The following PRKD1 variants were observed in gnomAD, a reference collection of about 807,000 sequenced individuals.
PRKD1 encodes serine/threonine-protein kinase D1.
In PRKD1, 63 loss-of-function variants were observed where a neutral mutation model predicts 95.9. The ratio of observed to expected loss-of-function variants is 0.66; its 90% CI spans 0.54 to 0.81. The LOEUF (loss-of-function observed/expected upper bound fraction) is 0.81. Ranked by LOEUF, PRKD1 falls within the 30% of genes least tolerant of loss-of-function variation. PRKD1 has a pLI of 0.00. For synonymous variants in PRKD1, 425 were observed against 423.1 expected (o/e 1.00, Z -0.05); for missense variants, 1,048 against 1,165.3 (o/e 0.90, Z 1.47).
intron 2 of PRKD1, among the ~76,000 whole-genome samples, chr14:29,697,230 T>C (rs1261534438): frequency 1.3e-5 from 2 of 151,808 alleles, no homozygotes; most frequent in Non-Finnish European, 2.9e-5. Context: ...TTTAAATCCA[T>C]TCCTACTCTG....
At chr14:29,926,671 G>C (rs1320015133) in intron 1 of PRKD1, among the ~76,000 whole-genome samples, 3 of 152,138 alleles carry the variant, frequency 2.0e-5, no homozygotes, top group Non-Finnish European at 4.4e-5. Context: ...TTTTGTCGTT[G>C]GAAAATGTGT....
At chr14:29,672,746 T>C (rs968268974) in intron 2 of PRKD1, among the ~76,000 whole-genome samples, 1 of 152,196 alleles carries the variant, frequency 6.6e-6, no homozygotes, top group Non-Finnish European at 1.5e-5. Flanking sequence ...TTATGCTTAA[T>C]AACTCCAGGT....
intron 11 of PRKD1, 125 bp downstream of exon 11, chr14:29,628,916 C>A: frequency 1.8e-6 from 1 of 557,846 alleles, no homozygotes; most frequent in Non-Finnish European, 2.9e-6. Context: ...AAAAAAATAT[C>A]CAAATTCTAT....
At chr14:29,906,764 A>G (rs1445738242) in intron 1 of PRKD1, among the ~76,000 whole-genome samples, 1 of 152,234 alleles carries the variant, frequency 6.6e-6, no homozygotes, top group Admixed American at 6.5e-5. Flanking sequence ...AGTTTCTCAA[A>G]TTCACTTCAC....
intron 4 of PRKD1, among the ~76,000 whole-genome samples, chr14:29,644,426 G>T (rs11623941): frequency 0.061 from 9,242 of 152,194 alleles, 421 homozygotes; most frequent in South Asian, 0.22. Flanking sequence ...ATAGTAATTT[G>T]GAGAGGACAG....
At chr14:29,659,619 T>TC in intron 4 of PRKD1, among the ~76,000 whole-genome samples, 1 of 152,194 alleles carries the variant, frequency 6.6e-6, no homozygotes, top group Non-Finnish European at 1.5e-5. Flanking sequence ...CTCAGTATCT[T>TC]CCCCAGTACT....
intron 1 of PRKD1, among the ~76,000 whole-genome samples, chr14:29,907,064 CTCTT>C (rs1436149077): frequency 6.6e-6 from 1 of 152,218 alleles, no homozygotes; most frequent in Non-Finnish European, 1.5e-5. Flanking sequence ...TCACAAAAGA[CTCTT>C]TCTGTTCCAG....
At chr14:29,649,222 G>T (rs979266325) in intron 4 of PRKD1, among the ~76,000 whole-genome samples, 1 of 152,024 alleles carries the variant, frequency 6.6e-6, no homozygotes, top group Non-Finnish European at 1.5e-5. Context: ...TTTTTCACAG[G>T]TGATACTGGA....
intron 2 of PRKD1, among the ~76,000 whole-genome samples, chr14:29,680,261 T>TAAAG (rs1883467535): frequency 6.6e-6 from 1 of 152,206 alleles, no homozygotes; most frequent in Non-Finnish European, 1.5e-5. Context: ...TCCATACCAC[T>TAAAG]AAAGTAAAGG....
At chr14:29,710,917 A>G (rs1398115743) in intron 2 of PRKD1, among the ~76,000 whole-genome samples, 1 of 152,186 alleles carries the variant, frequency 6.6e-6, no homozygotes, top group East Asian at 1.9e-4. Context: ...CAAAACTAGA[A>G]AGATGCATTT....
chr14:29,797,065 G>A (rs1411651900), intron 1 of PRKD1, among the ~76,000 whole-genome samples: 3 of 152,150 alleles, frequency 2.0e-5, no homozygotes, highest in Non-Finnish European at 4.4e-5. Flanking sequence ...AGGCTAAATG[G>A]AAGAAAGTAT....
At chr14:29,916,919 G>C (rs1894910683) in intron 1 of PRKD1, among the ~76,000 whole-genome samples, 1 of 151,986 alleles carries the variant, frequency 6.6e-6, no homozygotes, top group African/African-American at 2.4e-5. Flanking sequence ...TTCTAACCAT[G>C]ATCTCCTAAC....
At chr14:29,781,708 G>C (rs747589173) in intron 1 of PRKD1, among the ~76,000 whole-genome samples, 1 of 152,160 alleles carries the variant, frequency 6.6e-6, no homozygotes. Flanking sequence ...GTTAAAGTAG[G>C]GACATTTTGA....
chr14:29,868,917 T>C (rs918670487), intron 1 of PRKD1, among the ~76,000 whole-genome samples: 3 of 152,252 alleles, frequency 2.0e-5, no homozygotes, highest in African/African-American at 7.2e-5. Context: ...TCATATAATT[T>C]ATATCTCTAG....
intron 1 of PRKD1, among the ~76,000 whole-genome samples, chr14:29,738,307 T>C (rs964647574): frequency 6.6e-6 from 1 of 152,124 alleles, no homozygotes; most frequent in Non-Finnish European, 1.5e-5. Flanking sequence ...TCCTTTTCCC[T>C]CCCTTTCTTT....
chr14:29,790,882 C>T (rs1480011974), intron 1 of PRKD1, among the ~76,000 whole-genome samples: 1 of 152,096 alleles, frequency 6.6e-6, no homozygotes, highest in Non-Finnish European at 1.5e-5. Context: ...TTATGATAGT[C>T]ATAAGTGTTA....
At chr14:29,912,314 A>C (rs1894744959) in intron 1 of PRKD1, among the ~76,000 whole-genome samples, 1 of 152,238 alleles carries the variant, frequency 6.6e-6, no homozygotes, top group South Asian at 2.1e-4. Flanking sequence ...TTCAAAAAAA[A>C]ACAATTATTT....
chr14:29,685,607 A>G (rs1460544718), intron 2 of PRKD1, among the ~76,000 whole-genome samples: 1 of 152,128 alleles, frequency 6.6e-6, no homozygotes, highest in Non-Finnish European at 1.5e-5. Context: ...ATTCTAACAT[A>G]TTTTCCAGTA....
At chr14:29,686,850 G>A (rs1335475563) in intron 2 of PRKD1, among the ~76,000 whole-genome samples, 2 of 152,156 alleles carry the variant, frequency 1.3e-5, no homozygotes, top group Non-Finnish European at 2.9e-5. Context: ...TTTCATTGCC[G>A]TTCTCGCTAC....
Sources: allele counts gnomAD v4.1 joint callset (sites outside exome capture counted in the v4.1 genomes callset), GRCh38; gene constraint gnomAD v4.1.1; transcripts MANE v1.5; gene names NCBI Gene and HGNC (gene_info 2026-07-23, HGNC 2026-07-21).